Variants in MLLT10 observed in about 807,000 individuals in gnomAD.
The protein encoded by MLLT10 is MLLT10 histone lysine methyltransferase DOT1L cofactor.
A neutral mutation model predicts 129.1 loss-of-function variants in MLLT10; 30 were observed. The ratio of observed to expected loss-of-function variants is 0.23; its 90% confidence interval spans 0.17 to 0.32. The LOEUF (loss-of-function observed/expected upper bound fraction) is 0.32. MLLT10 is among the 10% of genes least tolerant of loss of function. The pLI is 1.00. For synonymous variants in MLLT10, 490 were observed against 446.4 expected (o/e 1.10, Z -1.23); for missense variants, 1,119 against 1,268.3 (o/e 0.88, Z 1.79).
intron 16 of MLLT10, among the ~76,000 whole-genome samples, chr10:21,728,217 A>G (rs1467542265): frequency 6.6e-6 from 1 of 152,186 alleles, no homozygotes; most frequent in Admixed American, 6.5e-5. Flanking sequence ...ATCATAAAAT[A>G]GTTTTAAGAT....
At chr10:21,611,579 C>T (rs939904010) in intron 5 of MLLT10, among the ~76,000 whole-genome samples, 6 of 152,104 alleles carry the variant, frequency 3.9e-5, no homozygotes, top group Non-Finnish European at 8.8e-5. Flanking sequence ...TGATTTTATT[C>T]ATTATACACC....
chr10:21,642,774 G>A (rs2048141916), intron 8 of MLLT10, among the ~76,000 whole-genome samples: 1 of 152,032 alleles, frequency 6.6e-6, no homozygotes, highest in Non-Finnish European at 1.5e-5. Flanking sequence ...TAATTACCTT[G>A]GACTCATCCA....
intron 8 of MLLT10, among the ~76,000 whole-genome samples, chr10:21,644,529 C>A (rs917112420): frequency 6.6e-6 from 1 of 152,070 alleles, no homozygotes; most frequent in African/African-American, 2.4e-5. Flanking sequence ...GCTGGGCTCT[C>A]CTTTTTAACA....
intron 8 of MLLT10, among the ~76,000 whole-genome samples, chr10:21,634,795 C>T (rs887003487): frequency 6.6e-6 from 1 of 152,148 alleles, no homozygotes; most frequent in African/African-American, 2.4e-5. Flanking sequence ...CACTGTGTTA[C>T]GTAATTCCTG....
At chr10:21,640,457 G>A (rs2047898023) in intron 8 of MLLT10, among the ~76,000 whole-genome samples, 1 of 151,424 alleles carries the variant, frequency 6.6e-6, no homozygotes, top group Admixed American at 6.6e-5. Context: ...CAACTTCTGG[G>A]TCAAGAGATA....
chr10:21,577,211 T>G (rs182304396), intron 3 of MLLT10, among the ~76,000 whole-genome samples: 86 of 152,348 alleles, frequency 5.6e-4, no homozygotes, highest in African/African-American at 1.9e-3. Context: ...TCCCTTTTGT[T>G]GTCAAATAAT....
intron 3 of MLLT10, among the ~76,000 whole-genome samples, chr10:21,577,713 C>T (rs913051472): frequency 2.6e-5 from 4 of 151,910 alleles, no homozygotes; most frequent in East Asian, 1.9e-4. Flanking sequence ...TCAGGTTATC[C>T]GCCCACATTA....
chr10:21,713,893 A>G lies in MLLT10; in HGVS notation c.1821A>G (p.Val607=). 3 of 1,614,064 alleles carry G rather than the reference A, an allele frequency of 1.9e-6. No individual in the cohort carries two copies. The highest frequency in any genetic ancestry group is 2.5e-6 in the Non-Finnish European group (3 of 1,179,972). Residue 607 remains valine (V), a synonymous_variant, in exon 14 of 23, where the codon GTA becomes GTG. Coordinates refer to ENST00000307729, the MANE Select transcript of MLLT10 (RefSeq NM_001195626.3). ...PQQSSGHLQQ[V]GALSPSAVSS... ...AGTCTTCTGGGCATTTGCAACAAGT[A>G]GGAGCGCTCTCTCCCTCAGCTGTGT...
intron 8 of MLLT10, chr10:21,625,524 A>G (rs2046347483): frequency 1.2e-6 from 1 of 855,610 alleles, no homozygotes; most frequent in Non-Finnish European, 2.0e-6. Flanking sequence ...TTACTTTTCC[A>G]GCATCTGGCT....
intron 3 of MLLT10, 114 bp downstream of exon 3, chr10:21,539,026 T>A: frequency 1.5e-6 from 1 of 666,638 alleles, no homozygotes; most frequent in Non-Finnish European, 2.5e-6. Context: ...TATCATAATG[T>A]AAGAGATAAT....
At chr10:21,551,461 A>G (rs1457048482) in intron 3 of MLLT10, among the ~76,000 whole-genome samples, 1 of 151,762 alleles carries the variant, frequency 6.6e-6, no homozygotes, top group Non-Finnish European at 1.5e-5. Flanking sequence ...AATTCAGCAT[A>G]ATATCGTAAG....
At chr10:21,582,489 G>A (rs1455104619) in intron 3 of MLLT10, among the ~76,000 whole-genome samples, 2 of 152,116 alleles carry the variant, frequency 1.3e-5, no homozygotes, top group African/African-American at 2.4e-5. Flanking sequence ...TTATAGGTAT[G>A]TATGTATAGC....
At chr10:21,624,250 A>T (rs1206825848) in intron 8 of MLLT10, among the ~76,000 whole-genome samples, 3 of 152,246 alleles carry the variant, frequency 2.0e-5, no homozygotes, top group African/African-American at 4.8e-5. Context: ...AATCTATCCT[A>T]GATCCAAAAA....
intron 8 of MLLT10, among the ~76,000 whole-genome samples, chr10:21,620,792 G>A (rs2045737759): frequency 3.3e-5 from 5 of 151,710 alleles, no homozygotes; most frequent in Admixed American, 1.3e-4. Context: ...CCAGGTTCAA[G>A]CGATTCTTCT....
chr10:21,645,669 T>A (rs984161878), intron 8 of MLLT10, among the ~76,000 whole-genome samples: 3 of 152,244 alleles, frequency 2.0e-5, no homozygotes, highest in South Asian at 4.1e-4. Flanking sequence ...AGAGGTAACT[T>A]CAAGCTCAGT....
At position 21,650,305 on chromosome 10, in the gene MLLT10, C is replaced by T. The variant is rs968482679; in HGVS notation, c.700-1368C>T. ...GGTTGAGGCTGTAGTGAGCTGTGATCGTACCACTGCACTCCAGCCTGAGTG... is the reference window on the plus strand; with the variant it reads ...GGTTGAGGCTGTAGTGAGCTGTGATTGTACCACTGCACTCCAGCCTGAGTG... On this transcript the variant is annotated intron_variant, in intron 8 of 22. Transcript: ENST00000307729. 3.9e-5 allele frequency among the ~76,000 whole-genome samples: 6 copies of T among 152,174 alleles called. No individual in the cohort carries two copies. The South Asian group carries it at 6.2e-4, about 16-fold the overall frequency.
chr10:21,584,160 G>A (rs1020109464), intron 3 of MLLT10, among the ~76,000 whole-genome samples: 4 of 149,338 alleles, frequency 2.7e-5, no homozygotes, highest in East Asian at 2.0e-4. Flanking sequence ...CAGCCACCGC[G>A]CCCAGCCTTT....
At chr10:21,556,553 G>A (rs577639088) in intron 3 of MLLT10, 6 of 954,084 alleles carry the variant, frequency 6.3e-6, no homozygotes, top group Admixed American at 5.0e-5. Flanking sequence ...CCCTCTCTAG[G>A]AAATTAAGCT....
chr10:21,608,704 A>C (rs1313490316), intron 5 of MLLT10, among the ~76,000 whole-genome samples: 1 of 152,092 alleles, frequency 6.6e-6, no homozygotes, highest in Non-Finnish European at 1.5e-5. Flanking sequence ...TAATCTAAGG[A>C]AAAAACCGTC....
Sources: gnomAD v4.1 joint callset for allele counts (sites outside exome capture counted in the v4.1 genomes callset) on GRCh38, gnomAD v4.1.1 for gene constraint, MANE v1.5 for transcripts, NCBI Gene and HGNC (gene_info 2026-07-23, HGNC 2026-07-21) for gene names.